TRPM3: variants seen among roughly 807,000 people sequenced by gnomAD.
TRPM3 encodes the protein transient receptor potential cation channel subfamily M member 3, also known as long transient receptor potential channel 3.
A neutral mutation model predicts 181.2 loss-of-function variants in TRPM3; 77 were observed. The ratio of observed to expected loss-of-function variants is 0.42; its 90% CI spans 0.35 to 0.51. TRPM3 has a LOEUF of 0.51. Ranked by LOEUF, TRPM3 falls within the 20% of genes least tolerant of loss-of-function variation. TRPM3 has a pLI of 0.01. For synonymous variants in TRPM3, 745 were observed against 796.4 expected, an observed-to-expected ratio of 0.94 and a Z score of 1.09; for missense variants, 1,759 against 2,196.7, an observed-to-expected ratio of 0.80 and a Z score of 3.98.
chr9:71,314,158 C>T (rs974866317), intron 1 of TRPM3, among the ~76,000 whole-genome samples: 2 of 151,942 alleles, frequency 1.3e-5, no homozygotes, highest in Admixed American at 6.6e-5. Flanking sequence ...GTAATGCCTC[C>T]CTATATTTCA....
At chr9:71,016,014 G>A (rs970381868) in intron 1 of TRPM3, among the ~76,000 whole-genome samples, 2 of 152,052 alleles carry the variant, frequency 1.3e-5, no homozygotes, top group Admixed American at 6.6e-5. Flanking sequence ...GTTCAACATG[G>A]TGAAACCCCA....
chr9:71,442,607 G>A (rs2094149823), intron 1 of TRPM3, among the ~76,000 whole-genome samples: 1 of 152,104 alleles, frequency 6.6e-6, no homozygotes, highest in Admixed American at 6.6e-5. Flanking sequence ...ATAAATGTGT[G>A]GTTAAATTTA....
At chr9:71,301,259 T>C in intron 1 of TRPM3, among the ~76,000 whole-genome samples, 1 of 152,160 alleles carries the variant, frequency 6.6e-6, no homozygotes, top group East Asian at 1.9e-4. Context: ...ACCCAAAGAA[T>C]GTTTGGGGAC....
intron 1 of TRPM3, among the ~76,000 whole-genome samples, chr9:71,190,131 T>C (rs1171351789): frequency 4.6e-5 from 7 of 151,862 alleles, no homozygotes; most frequent in Non-Finnish European, 8.8e-5. Flanking sequence ...GCGTATGGGC[T>C]CAGTGGTGTT....
At chr9:71,042,371 G>T (rs77533537) in intron 1 of TRPM3, among the ~76,000 whole-genome samples, 5,646 of 152,176 alleles carry the variant, frequency 0.037, 136 homozygotes, top group African/African-American at 0.072. Flanking sequence ...TTCAACAACT[G>T]CTTTAAAAAA....
At chr9:70,756,232 G>A (rs2077054791) in intron 8 of TRPM3, among the ~76,000 whole-genome samples, 1 of 151,302 alleles carries the variant, frequency 6.6e-6, no homozygotes, top group Non-Finnish European at 1.5e-5. Context: ...AACCGAGACC[G>A]AAAAAACAAA....
At chr9:70,639,230 G>A in intron 10 of TRPM3, 36 bp from the exon 11 acceptor site, 1 of 1,609,904 alleles carries the variant, frequency 6.2e-7, no homozygotes, top group Non-Finnish European at 8.5e-7. Context: ...CTGCCCCAGG[G>A]TCTATCTATG....
intron 17 of TRPM3, among the ~76,000 whole-genome samples, chr9:70,618,001 C>G (rs536251956): frequency 1.1e-4 from 17 of 152,142 alleles, no homozygotes; most frequent in African/African-American, 4.1e-4. Flanking sequence ...CCAAAAAACT[C>G]TCAAAAAACC....
chr9:70,875,389 T>C (rs2095853398), intron 1 of TRPM3, among the ~76,000 whole-genome samples: 2 of 151,978 alleles, frequency 1.3e-5, no homozygotes, highest in South Asian at 4.1e-4. Context: ...ATTTCTTTTA[T>C]AAGTAAACAA....
intron 1 of TRPM3, among the ~76,000 whole-genome samples, chr9:71,046,380 A>G (rs535364256): frequency 6.6e-6 from 1 of 152,356 alleles, no homozygotes; most frequent in African/African-American, 2.4e-5. Context: ...CATCGCATGA[A>G]TAACTCTTCA....
intron 5 of TRPM3, among the ~76,000 whole-genome samples, chr9:70,828,481 T>A (rs1313205567): frequency 6.6e-6 from 1 of 152,006 alleles, no homozygotes; most frequent in Non-Finnish European, 1.5e-5. Context: ...TTTCTGTCAA[T>A]CTCATTCAGT....
intron 1 of TRPM3, among the ~76,000 whole-genome samples, chr9:71,381,406 G>A (rs940500441): frequency 1.3e-5 from 2 of 152,110 alleles, no homozygotes; most frequent in African/African-American, 2.4e-5. Context: ...CCTAAGTAGG[G>A]TCAGTTCACA....
chr9:71,418,860 A>G (rs1384845653), intron 1 of TRPM3, among the ~76,000 whole-genome samples: 2 of 144,176 alleles, frequency 1.4e-5, no homozygotes, highest in African/African-American at 5.0e-5. Flanking sequence ...TCCTTTGTAT[A>G]TATATGTATA....
At chr9:70,831,599 G>C (rs920390059) in intron 5 of TRPM3, among the ~76,000 whole-genome samples, 3 of 151,950 alleles carry the variant, frequency 2.0e-5, no homozygotes, top group African/African-American at 7.3e-5. Flanking sequence ...ACTATCTTTG[G>C]AGAATCGAGA....
At chr9:70,549,769 G>T in intron 24 of TRPM3, 95 bp from the exon 25 acceptor site, 1 of 1,310,428 alleles carries the variant, frequency 7.6e-7, no homozygotes, top group South Asian at 1.6e-5. Flanking sequence ...TATAAATCTA[G>T]GTGGGAAAAG....
At chr9:70,828,766 A>G (rs2093713399) in intron 5 of TRPM3, among the ~76,000 whole-genome samples, 2 of 144,830 alleles carry the variant, frequency 1.4e-5, no homozygotes, top group South Asian at 4.3e-4. Context: ...TATACATGTT[A>G]TCTATATTCC....
intron 8 of TRPM3, among the ~76,000 whole-genome samples, chr9:70,683,428 C>CGTTTTTTTTTTT (rs2065960510): frequency 1.7e-5 from 1 of 57,458 alleles, no homozygotes. Context: ...TCTCTCTCTC[C>CGTTTTTTTTTTT]TTTTTTTTTT....
intron 1 of TRPM3, among the ~76,000 whole-genome samples, chr9:71,376,438 ACTC>A (rs917950401): frequency 6.6e-6 from 1 of 151,948 alleles, no homozygotes; most frequent in African/African-American, 2.4e-5. Context: ...TGGATATATA[ACTC>A]CTCAAGTAAT....
chr9:70,630,432 T>C (rs2065601570), intron 12 of TRPM3, among the ~76,000 whole-genome samples: 1 of 152,132 alleles, frequency 6.6e-6, no homozygotes, highest in African/African-American at 2.4e-5. Context: ...CAGAGGCTTG[T>C]AGACAAGGGA....
Sources: allele counts gnomAD v4.1 joint callset (sites outside exome capture counted in the v4.1 genomes callset), GRCh38; gene constraint gnomAD v4.1.1; transcripts MANE v1.5; gene names NCBI Gene and HGNC (gene_info 2026-07-23, HGNC 2026-07-21).